The following REDIC1 variants were observed in gnomAD, a reference collection of about 807,000 sequenced individuals.
REDIC1 encodes the protein regulator of DNA class I crossover intermediates 1.
the REDIC1 span, among the ~76,000 whole-genome samples, chr12:39,779,522 AT>A: frequency 6.6e-6 from 1 of 152,190 alleles, no homozygotes; most frequent in Non-Finnish European, 1.5e-5. Context: ...TTGGCACAAC[AT>A]TTTACACATA....
chr12:39,874,253 C>A, the REDIC1 span, among the ~76,000 whole-genome samples: 1 of 152,122 alleles, frequency 6.6e-6, no homozygotes, highest in Non-Finnish European at 1.5e-5. Flanking sequence ...ATCTGAAGGA[C>A]TAAAGTGCAA....
the REDIC1 span, among the ~76,000 whole-genome samples, chr12:39,879,352 G>A: frequency 6.6e-6 from 1 of 152,166 alleles, no homozygotes; most frequent in Non-Finnish European, 1.5e-5. Flanking sequence ...TAGATCTACT[G>A]GCAGCTTGCA....
the REDIC1 span, among the ~76,000 whole-genome samples, chr12:39,788,340 C>G: frequency 6.6e-6 from 1 of 152,064 alleles, no homozygotes; most frequent in Non-Finnish European, 1.5e-5. Flanking sequence ...TATTAAGTAA[C>G]AAATAAGGGT....
the REDIC1 span, among the ~76,000 whole-genome samples, chr12:39,681,683 G>A: frequency 6.6e-6 from 1 of 152,154 alleles, no homozygotes; most frequent in Non-Finnish European, 1.5e-5. Context: ...ATCATGAGCT[G>A]TGAACATTCA....
chr12:39,751,916 G>A, the REDIC1 span, among the ~76,000 whole-genome samples: 1 of 152,164 alleles, frequency 6.6e-6, no homozygotes, highest in African/African-American at 2.4e-5. Context: ...ATGGGGAGAA[G>A]GGGGAGGGAA....
the REDIC1 span, among the ~76,000 whole-genome samples, chr12:39,652,756 G>C: frequency 1.8e-3 from 279 of 152,094 alleles, no homozygotes; most frequent in African/African-American, 6.0e-3. Flanking sequence ...TGTTGGGTGT[G>C]GTAAGGGTCT....
At chr12:39,712,822 T>C in the REDIC1 span, among the ~76,000 whole-genome samples, 2 of 145,242 alleles carry the variant, frequency 1.4e-5, no homozygotes, top group Non-Finnish European at 3.1e-5. Flanking sequence ...TATACATGTG[T>C]GTATGTATAT....
At chr12:39,657,813 T>C in the REDIC1 span, among the ~76,000 whole-genome samples, 1 of 152,120 alleles carries the variant, frequency 6.6e-6, no homozygotes, top group Non-Finnish European at 1.5e-5. Flanking sequence ...TCTTACAGAA[T>C]TATCTTTTAG....
chr12:39,832,120 A>G, the REDIC1 span, among the ~76,000 whole-genome samples: 1 of 152,176 alleles, frequency 6.6e-6, no homozygotes, highest in African/African-American at 2.4e-5. Flanking sequence ...CTGAGAGGTG[A>G]TTCAGCAATG....
At chr12:39,664,945 G>T in the REDIC1 span, among the ~76,000 whole-genome samples, 5 of 151,112 alleles carry the variant, frequency 3.3e-5, no homozygotes, top group African/African-American at 9.7e-5. Context: ...TAAATTTTTT[G>T]GAGTTCATTG....
the REDIC1 span, among the ~76,000 whole-genome samples, chr12:39,731,066 A>G: frequency 6.6e-6 from 1 of 151,956 alleles, no homozygotes. Context: ...ACCTTTTTTC[A>G]AGGTTCTTAG....
At chr12:39,821,188 C>T in the REDIC1 span, among the ~76,000 whole-genome samples, 3 of 152,010 alleles carry the variant, frequency 2.0e-5, no homozygotes, top group Non-Finnish European at 4.4e-5. Flanking sequence ...CCAAGGCGGG[C>T]GGATCATGAG....
At chr12:39,812,388 TTCTC>T in the REDIC1 span, among the ~76,000 whole-genome samples, 47 of 124,914 alleles carry the variant, frequency 3.8e-4, no homozygotes, top group Admixed American at 5.3e-4. Flanking sequence ...TTTTCTTTCT[TTCTC>T]TCTCTCTTTC....
chr12:39,728,079 T>C, the REDIC1 span, among the ~76,000 whole-genome samples: 2 of 152,212 alleles, frequency 1.3e-5, no homozygotes, highest in East Asian at 3.8e-4. Context: ...TTTCTAAATA[T>C]ACAATCATGT....
the REDIC1 span, among the ~76,000 whole-genome samples, chr12:39,740,988 A>C: frequency 6.6e-6 from 1 of 150,550 alleles, no homozygotes; most frequent in African/African-American, 2.5e-5. Context: ...TTTTTTTGAG[A>C]TGGAGTCCCG....
At chr12:39,725,890 T>A in the REDIC1 span, among the ~76,000 whole-genome samples, 1 of 151,968 alleles carries the variant, frequency 6.6e-6, no homozygotes, top group African/African-American at 2.4e-5. Flanking sequence ...TGTGTGTGTG[T>A]TCATTTTGTG....
chr12:39,893,943 G>A, the REDIC1 span, among the ~76,000 whole-genome samples: 103 of 152,182 alleles, frequency 6.8e-4, no homozygotes, highest in African/African-American at 2.2e-3. Flanking sequence ...CACAATTAAC[G>A]TGTTAGTAGG....
the REDIC1 span, among the ~76,000 whole-genome samples, chr12:39,762,349 A>AATCTT: frequency 6.6e-6 from 1 of 152,090 alleles, no homozygotes; most frequent in African/African-American, 2.4e-5. Flanking sequence ...TAAGGATTTA[A>AATCTT]ATCTTATTAG....
the REDIC1 span, among the ~76,000 whole-genome samples, chr12:39,767,895 T>TC: frequency 6.6e-6 from 1 of 152,090 alleles, no homozygotes; most frequent in Admixed American, 6.6e-5. Flanking sequence ...TTCCCCTTCC[T>TC]CCATGATTGT....
Sources: gnomAD v4.1 joint callset for allele counts (sites outside exome capture counted in the v4.1 genomes callset) on GRCh38, gnomAD v4.1.1 for gene constraint, MANE v1.5 for transcripts, NCBI Gene and HGNC (gene_info 2026-07-23, HGNC 2026-07-21) for gene names.